Variants in XKR4 observed in about 807,000 individuals in gnomAD.
The protein encoded by XKR4 is XK-related protein 4.
XKR4 carries 12 observed loss-of-function variants against 53.9 expected under a neutral mutation model. The ratio of observed to expected loss-of-function variants is 0.22; its 90% confidence interval spans 0.14 to 0.36. The LOEUF (loss-of-function observed/expected upper bound fraction) is 0.36. XKR4 is among the 10% of genes least tolerant of loss of function. XKR4 has a pLI of 1.00. For synonymous variants in XKR4, 354 were observed against 362.4 expected, an observed-to-expected ratio of 0.98 and a Z score of 0.26; for missense variants, 799 against 859.5, an observed-to-expected ratio of 0.93 and a Z score of 0.88.
At chr8:55,442,758 T>C (rs1805289203) in intron 2 of XKR4, among the ~76,000 whole-genome samples, 1 of 152,232 alleles carries the variant, frequency 6.6e-6, no homozygotes. Context: ...TTTATATGAA[T>C]TGTCCAGAAT....
chr8:55,124,515 G>A (rs1253694462), intron 1 of XKR4, among the ~76,000 whole-genome samples: 20 of 152,158 alleles, frequency 1.3e-4, no homozygotes, highest in Non-Finnish European at 1.5e-5. Flanking sequence ...CTCGCATTCA[G>A]TTGGTGTCAT....
Position 55,112,206 on chromosome 8 carries a change from G to T in XKR4, c.806+8912G>T, listed in dbSNP as rs192401878. On this transcript the variant is annotated intron_variant, in intron 1 of 2. Transcript: ENST00000327381. Reference sequence around the variant, plus strand: ...TTTATGATTCATAAGTAGGCTGTTTGAATCAGTTCTACTTCTTTTGTTTAA... The same window carrying T: ...TTTATGATTCATAAGTAGGCTGTTTTAATCAGTTCTACTTCTTTTGTTTAA... Among the ~76,000 whole-genome samples, 10 of 152,294 alleles carry T rather than the reference G, an allele frequency of 6.6e-5. No homozygotes were observed. In the East Asian group the frequency reaches 1.9e-3, roughly 29 times the overall value.
At chr8:55,328,233 A>G (rs1803324286) in intron 1 of XKR4, among the ~76,000 whole-genome samples, 1 of 152,116 alleles carries the variant, frequency 6.6e-6, no homozygotes, top group Non-Finnish European at 1.5e-5. Context: ...CAGTCAAACC[A>G]TATCACTATT....
At chr8:55,236,211 G>A (rs974190310) in intron 1 of XKR4, among the ~76,000 whole-genome samples, 1 of 152,098 alleles carries the variant, frequency 6.6e-6, no homozygotes, top group African/African-American at 2.4e-5. Flanking sequence ...CCCAGATCCT[G>A]GCAAAACAAA....
chr8:55,387,081 C>T (rs535226827), intron 2 of XKR4, among the ~76,000 whole-genome samples: 1 of 152,316 alleles, frequency 6.6e-6, no homozygotes, highest in African/African-American at 2.4e-5. Context: ...CTTCCAGGTC[C>T]GCTTCTGTAG....
intron 2 of XKR4, among the ~76,000 whole-genome samples, chr8:55,489,882 G>A (rs1465722285): frequency 1.3e-5 from 2 of 151,986 alleles, no homozygotes; most frequent in Non-Finnish European, 2.9e-5. Flanking sequence ...ATCACTTTAT[G>A]CCACTTGATG....
intron 2 of XKR4, among the ~76,000 whole-genome samples, chr8:55,511,982 G>C (rs952497189): frequency 6.6e-6 from 1 of 152,110 alleles, no homozygotes; most frequent in African/African-American, 2.4e-5. Flanking sequence ...TGCAAGCAAA[G>C]CTAGGATTCA....
chr8:55,376,880 C>G (rs895605685), intron 2 of XKR4, among the ~76,000 whole-genome samples: 11 of 151,826 alleles, frequency 7.2e-5, no homozygotes, highest in Admixed American at 5.9e-4. Flanking sequence ...CTCACCCTCT[C>G]TCTCTCTCTC....
intron 2 of XKR4, among the ~76,000 whole-genome samples, chr8:55,427,144 A>G (rs1185987737): frequency 6.6e-6 from 1 of 152,212 alleles, no homozygotes; most frequent in Admixed American, 6.5e-5. Flanking sequence ...GCATTATTGA[A>G]TTTGATGTTC....
At chr8:55,477,061 G>A (rs934866470) in intron 2 of XKR4, among the ~76,000 whole-genome samples, 7 of 151,906 alleles carry the variant, frequency 4.6e-5, no homozygotes, top group African/African-American at 1.2e-4. Context: ...CTCCCAGCAC[G>A]CAGCTTGAGA....
intron 1 of XKR4, among the ~76,000 whole-genome samples, chr8:55,254,703 G>A (rs185830559): frequency 5.0e-4 from 76 of 152,236 alleles, no homozygotes; most frequent in African/African-American, 1.6e-3. Context: ...CCCTAGAACC[G>A]CATGCTCTCT....
chr8:55,111,516 CA>C (rs1311795593), intron 1 of XKR4, among the ~76,000 whole-genome samples: 6 of 152,176 alleles, frequency 3.9e-5, no homozygotes, highest in African/African-American at 1.4e-4. Context: ...CAGGAACTGG[CA>C]TGGTTCATAC....
At chr8:55,472,122 C>G (rs1368460152) in intron 2 of XKR4, among the ~76,000 whole-genome samples, 1 of 152,094 alleles carries the variant, frequency 6.6e-6, no homozygotes, top group African/African-American at 2.4e-5. Context: ...ATTCGAGTAT[C>G]ATGATCCTGT....
At chr8:55,413,496 G>A (rs890526183) in intron 2 of XKR4, among the ~76,000 whole-genome samples, 1 of 152,202 alleles carries the variant, frequency 6.6e-6, no homozygotes, top group African/African-American at 2.4e-5. Context: ...AAAGTGCTGA[G>A]ATTACAGGCA....
At chr8:55,407,972 G>C (rs1804712055) in intron 2 of XKR4, among the ~76,000 whole-genome samples, 1 of 152,194 alleles carries the variant, frequency 6.6e-6, no homozygotes, top group South Asian at 2.1e-4. Context: ...GCAAGTCCAT[G>C]TGTCACTAAC....
At chr8:55,113,554 A>T (rs1816262410) in intron 1 of XKR4, among the ~76,000 whole-genome samples, 1 of 152,206 alleles carries the variant, frequency 6.6e-6, no homozygotes, top group South Asian at 2.1e-4. Flanking sequence ...GGTCAGGTTT[A>T]TGAGGTCAAC....
chr8:55,493,841 A>G (rs918549076), intron 2 of XKR4, among the ~76,000 whole-genome samples: 5 of 152,240 alleles, frequency 3.3e-5, no homozygotes, highest in African/African-American at 1.2e-4. Flanking sequence ...CAATGATTGT[A>G]TTGATTTCCT....
At chr8:55,278,092 T>C (rs1266571637) in intron 1 of XKR4, among the ~76,000 whole-genome samples, 2 of 152,114 alleles carry the variant, frequency 1.3e-5, no homozygotes, top group African/African-American at 2.4e-5. Flanking sequence ...CCCAGCACTT[T>C]GGGAGGGTGA....
chr8:55,397,404 G>A (rs1463085460), intron 2 of XKR4, among the ~76,000 whole-genome samples: 1 of 152,114 alleles, frequency 6.6e-6, no homozygotes, highest in Non-Finnish European at 1.5e-5. Context: ...GCTCCTACCT[G>A]GGAGCAGCAC....
Sources: allele counts gnomAD v4.1 joint callset (sites outside exome capture counted in the v4.1 genomes callset), GRCh38; gene constraint gnomAD v4.1.1; transcripts MANE v1.5; gene names NCBI Gene and HGNC (gene_info 2026-07-23, HGNC 2026-07-21).